The following SEMA3A variants were observed in gnomAD, a reference collection of about 807,000 sequenced individuals.
SEMA3A encodes the protein semaphorin 3A.
In SEMA3A, 29 loss-of-function variants were observed where a neutral mutation model predicts 97.9. The observed-to-expected ratio is 0.30, with a 90% CI of 0.22 to 0.40. The LOEUF is 0.40. SEMA3A is among the 10% of genes least tolerant of loss of function. The pLI is 1.00. For missense variants in SEMA3A, 763 were observed against 951.3 expected (o/e 0.80, Z 2.60); for synonymous variants, 321 against 323.7 (o/e 0.99, Z 0.09).
intron 2 of SEMA3A, among the ~76,000 whole-genome samples, chr7:84,332,078 A>T (rs923317662): frequency 2.0e-5 from 3 of 152,106 alleles, no homozygotes; most frequent in Non-Finnish European, 2.9e-5. Flanking sequence ...CTCTTTAGTT[A>T]AGTTACTTAT....
chr7:84,419,976 G>T (rs1241235852), intron 1 of SEMA3A, among the ~76,000 whole-genome samples: 2 of 152,054 alleles, frequency 1.3e-5, no homozygotes, highest in African/African-American at 2.4e-5. Flanking sequence ...CACGCTAAAG[G>T]AACTGACAGT....
At position 84,445,493 on chromosome 7, in the gene SEMA3A, C is replaced by CAAAAAAAAAAAAAA. The variant is rs61298477; in HGVS notation, c.-246+46953_-246+46966dup. On this transcript the variant is annotated intron_variant, in intron 1 of 3. Transcript: ENST00000424555. ...TGGGCGACAGAGTGAGACTCCATCTCAAAAAAAAAAAAAAAAAAAAAAAAA... is the reference window on the plus strand; with the variant it reads ...TGGGCGACAGAGTGAGACTCCATCTCAAAAAAAAAAAAAAAAAAAAAAAAAAAAAAAAAAAAAAA... 5.1e-3 allele frequency among the ~76,000 whole-genome samples: 141 copies of CAAAAAAAAAAAAAA among 27,604 alleles called. 7 individuals are homozygous for CAAAAAAAAAAAAAA. Among genetic ancestry groups the CAAAAAAAAAAAAAA allele is most frequent in the Non-Finnish European group, 7.9e-3 (100 of 12,692 alleles). The allele number at this position is 27,604 out of a possible 152,430, so 18.1% of individuals were successfully genotyped here.
chr7:83,962,727 C>T (rs528582227), intron 16 of SEMA3A, among the ~76,000 whole-genome samples: 16 of 152,208 alleles, frequency 1.1e-4, no homozygotes, highest in African/African-American at 3.1e-4. Flanking sequence ...TAGTTGATAT[C>T]AGAGCTTATA....
At chr7:84,137,414 A>AAAG (rs1796170656) in intron 1 of SEMA3A, among the ~76,000 whole-genome samples, 1 of 151,528 alleles carries the variant, frequency 6.6e-6, no homozygotes, top group Non-Finnish European at 1.5e-5. Flanking sequence ...AAAAAAAAAA[A>AAAG]AAAGAAATGG....
In SEMA3A at chr7:84,160,911, A is replaced by G. The variant is rs568657788; in HGVS notation, c.113-25960T>C. On this transcript the variant is annotated intron_variant, in intron 1 of 16. Transcript: ENST00000265362. The stretch of plus-strand genomic sequence containing the variant: ...ATAAATAAATAAATAAAATAAAATA[A>G]TTCCATAGGATAGGTAGTATTATTT... 3.6e-3 allele frequency among the ~76,000 whole-genome samples: 553 copies of G among 152,012 alleles called. 3 individuals carry two copies. Among genetic ancestry groups the G allele is most frequent in the African/African-American group, 0.012 (509 of 41,456 alleles).
intron 3 of SEMA3A, among the ~76,000 whole-genome samples, chr7:84,296,719 G>C (rs1218743343): frequency 6.6e-6 from 1 of 151,948 alleles, no homozygotes; most frequent in Non-Finnish European, 1.5e-5. Flanking sequence ...TACTCTTTGT[G>C]ATAGCTTTTA....
chr7:84,033,956 T>C (rs1791852211), intron 6 of SEMA3A, among the ~76,000 whole-genome samples: 1 of 151,446 alleles, frequency 6.6e-6, no homozygotes. Context: ...CATGATAGAA[T>C]CCTTCAACTT....
intron 4 of SEMA3A, among the ~76,000 whole-genome samples, chr7:84,064,422 T>A (rs1398306769): frequency 6.6e-6 from 1 of 152,100 alleles, no homozygotes; most frequent in Non-Finnish European, 1.5e-5. Flanking sequence ...CATAACAATA[T>A]TAACTTTAAA....
chr7:84,384,466 CAG>C (rs1263303110), intron 1 of SEMA3A, among the ~76,000 whole-genome samples: 3 of 152,066 alleles, frequency 2.0e-5, no homozygotes, highest in Non-Finnish European at 2.9e-5. Context: ...AATATGGTAA[CAG>C]AGTATGTTAG....
At chr7:84,284,346 T>C (rs1197364800) in intron 3 of SEMA3A, among the ~76,000 whole-genome samples, 1 of 152,144 alleles carries the variant, frequency 6.6e-6, no homozygotes, top group Non-Finnish European at 1.5e-5. Flanking sequence ...TATCATTTTC[T>C]AAGTATCACA....
intron 3 of SEMA3A, among the ~76,000 whole-genome samples, chr7:84,290,761 CT>C (rs1156466195): frequency 6.6e-6 from 1 of 152,114 alleles, no homozygotes; most frequent in Admixed American, 6.6e-5. Context: ...TATGTTACCT[CT>C]ACTGGACCAC....
rs184521188 is a variant in SEMA3A at position 83,976,624 on chromosome 7, C to T, written c.1717+508G>A. On this transcript the variant is annotated intron_variant, in intron 15 of 16. Coordinates refer to ENST00000265362, the MANE Select transcript of SEMA3A (RefSeq NM_006080.3). The stretch of plus-strand genomic sequence containing the variant: ...AAAAATGAATTTGGTACAAAATGCC[C>T]AGTGTAAGGGAATACCCTACTAGTA... Among the ~76,000 whole-genome samples, 34 of 151,976 alleles carry T rather than the reference C, an allele frequency of 2.2e-4. No homozygotes were observed. In the East Asian group the frequency reaches 6.4e-3, roughly 29 times the overall value.
intron 1 of SEMA3A, among the ~76,000 whole-genome samples, chr7:84,401,656 C>G (rs930813320): frequency 6.6e-6 from 1 of 152,094 alleles, no homozygotes; most frequent in Non-Finnish European, 1.5e-5. Flanking sequence ...AGCATAAAAG[C>G]AGACACATAG....
At chr7:84,409,499 G>A (rs1326309981) in intron 1 of SEMA3A, among the ~76,000 whole-genome samples, 5 of 151,766 alleles carry the variant, frequency 3.3e-5, no homozygotes, top group Non-Finnish European at 5.9e-5. Flanking sequence ...CTGCCCTAAT[G>A]TTTTTAGATC....
chr7:84,167,573 A>C (rs550493014), intron 1 of SEMA3A, among the ~76,000 whole-genome samples: 1 of 152,308 alleles, frequency 6.6e-6, no homozygotes, highest in East Asian at 1.9e-4. Flanking sequence ...TGATTGTAAG[A>C]ACTCATGACA....
At chr7:84,084,545 T>A (rs1175937484) in intron 4 of SEMA3A, among the ~76,000 whole-genome samples, 1 of 148,050 alleles carries the variant, frequency 6.8e-6, no homozygotes, top group Non-Finnish European at 1.5e-5. Context: ...GAAAAAAAAA[T>A]AGGTAAAATC....
chr7:84,203,522 A>ATTTTTTTT (rs1266870104), intron 3 of SEMA3A, among the ~76,000 whole-genome samples: 4 of 43,594 alleles, frequency 9.2e-5, no homozygotes, highest in African/African-American at 1.5e-4. Context: ...ATATATATAT[A>ATTTTTTTT]TATATTTTTT....
At chr7:84,133,166 T>A (rs892931217) in intron 2 of SEMA3A, among the ~76,000 whole-genome samples, 1 of 152,166 alleles carries the variant, frequency 6.6e-6, no homozygotes, top group African/African-American at 2.4e-5. Flanking sequence ...TTGAAATCAA[T>A]TGAATTGAAA....
intron 3 of SEMA3A, among the ~76,000 whole-genome samples, chr7:84,225,757 C>T (rs74680100): frequency 0.013 from 1,948 of 151,958 alleles, 17 homozygotes; most frequent in Non-Finnish European, 0.022. Context: ...AAGAAAGGTG[C>T]GTGTAGGATG....
Sources: gnomAD v4.1 joint callset for allele counts (sites outside exome capture counted in the v4.1 genomes callset) on GRCh38, gnomAD v4.1.1 for gene constraint, MANE v1.5 for transcripts, NCBI Gene and HGNC (gene_info 2026-07-23, HGNC 2026-07-21) for gene names.